Variants in NR3C1 observed in about 807,000 individuals in gnomAD.
NR3C1 encodes the protein nuclear receptor subfamily 3 group C member 1.
NR3C1 carries 14 observed loss-of-function variants against 74.0 expected under a neutral mutation model. That is an observed-to-expected ratio of 0.19 (90% CI 0.12 to 0.30). The LOEUF is 0.30. Among genes scored for constraint, NR3C1 ranks in the 10% least tolerant of loss-of-function variants. NR3C1 has a pLI of 1.00. For synonymous variants in NR3C1, 308 were observed against 332.5 expected (o/e 0.93, Z 0.80); for missense variants, 695 against 909.8 (o/e 0.76, Z 3.04).
chr5:143,403,450 G>GC lies in NR3C1; in HGVS notation c.-254_-253insG, dbSNP rs10482610. 1 allele frequency: 981,231 copies of GC among 985,336 alleles called. 488,697 individuals are homozygous for GC. The highest frequency in any genetic ancestry group is 1 in the East Asian group (8,752 of 8,752). 61.0% of individuals were successfully genotyped at this position (985,336 alleles called of 1,614,324 possible). ...CCCGCGCCGGGCTCCGCGGGTCGAG[G>GC]TTCCGGGCGCGCGTGCCCCGTCCCG... On this transcript the variant is annotated 5_prime_UTR_variant, in exon 1 of 9. Transcript: ENST00000394464.
intron 4 of NR3C1, among the ~76,000 whole-genome samples, chr5:143,301,583 T>G (rs1818500197): frequency 6.6e-6 from 1 of 152,182 alleles, no homozygotes; most frequent in South Asian, 2.1e-4. Flanking sequence ...ACATGGATCC[T>G]GTAGACTTTT....
At chr5:143,297,792 G>C (rs1429784329) in intron 6 of NR3C1, among the ~76,000 whole-genome samples, 1 of 152,178 alleles carries the variant, frequency 6.6e-6, no homozygotes, top group Non-Finnish European at 1.5e-5. Flanking sequence ...CTGTGTATCT[G>C]GTGATGTGAA....
At chr5:143,400,930 A>T in intron 1 of NR3C1, 78 bp from the exon 2 acceptor site, 1 of 1,089,750 alleles carries the variant, frequency 9.2e-7, no homozygotes, top group South Asian at 1.3e-5. Context: ...CCGATTAGTA[A>T]GAGGCAGCTT....
intron 6 of NR3C1, among the ~76,000 whole-genome samples, chr5:143,296,815 A>G (rs1240749876): frequency 1.3e-5 from 2 of 152,154 alleles, no homozygotes; most frequent in East Asian, 1.9e-4. Context: ...GGTGGCTCAC[A>G]CCTGTAATCC....
At chr5:143,383,786 T>C (rs922136552) in intron 2 of NR3C1, among the ~76,000 whole-genome samples, 1 of 152,238 alleles carries the variant, frequency 6.6e-6, no homozygotes, top group Admixed American at 6.5e-5. Context: ...TAATGATTTA[T>C]GTATTTTTAT....
At chr5:143,421,051 CA>C (rs970132734) in intron 1 of NR3C1, among the ~76,000 whole-genome samples, 4 of 151,826 alleles carry the variant, frequency 2.6e-5, no homozygotes, top group Admixed American at 1.3e-4. Context: ...TGAAATTCAC[CA>C]AAAAAGATAC....
intron 1 of NR3C1, among the ~76,000 whole-genome samples, chr5:143,401,896 T>G (rs1390623197): frequency 1.3e-5 from 2 of 152,256 alleles, no homozygotes; most frequent in East Asian, 3.8e-4. Context: ...ATCCCAATTC[T>G]CAGCCTATTC....
intron 2 of NR3C1, among the ~76,000 whole-genome samples, chr5:143,323,479 C>T (rs1171748556): frequency 6.6e-6 from 1 of 152,084 alleles, no homozygotes; most frequent in Non-Finnish European, 1.5e-5. Flanking sequence ...GCACCCCCAC[C>T]CCCGGGTCCC....
At chr5:143,419,666 C>T (rs1318959995) in intron 1 of NR3C1, among the ~76,000 whole-genome samples, 3 of 152,118 alleles carry the variant, frequency 2.0e-5, no homozygotes, top group African/African-American at 4.8e-5. Context: ...ACAGAGATCA[C>T]GCGCTTCACA....
intron 4 of NR3C1, among the ~76,000 whole-genome samples, chr5:143,301,830 C>T (rs1818538757): frequency 3.3e-5 from 5 of 152,064 alleles, no homozygotes; most frequent in Non-Finnish European, 2.9e-5. Context: ...AAATGACACA[C>T]CATATAGTCT....
intron 7 of NR3C1, among the ~76,000 whole-genome samples, chr5:143,288,935 T>C (rs1815209797): frequency 6.6e-6 from 1 of 151,754 alleles, no homozygotes; most frequent in Non-Finnish European, 1.5e-5. Context: ...CGAAACCCCG[T>C]CTCTACTAAA....
chr5:143,301,183 G>A (rs1599773664), intron 4 of NR3C1, among the ~76,000 whole-genome samples: 1 of 152,070 alleles, frequency 6.6e-6, no homozygotes, highest in East Asian at 1.9e-4. Flanking sequence ...TAAGCTTGGA[G>A]TAACGGATTA....
chr5:143,403,315 T>G lies in NR3C1; in HGVS notation c.-118A>C. 4 of 985,330 alleles carry G rather than the reference T, an allele frequency of 4.1e-6. No individual in the cohort carries two copies. The highest frequency in any genetic ancestry group is 4.8e-6 in the Non-Finnish European group (4 of 829,924). The allele number at this position is 985,330 out of a possible 1,614,324, so 61.0% of individuals were successfully genotyped here. On this transcript the variant is annotated 5_prime_UTR_variant, in exon 1 of 9. Transcript: ENST00000394464. ...AGAAGGAGCAGGAGGGAAATATATT[T>G]TTTTTTTCTAAAAAAAGGAAGTAAA...
At chr5:143,373,339 T>C (rs950070703) in intron 2 of NR3C1, among the ~76,000 whole-genome samples, 3 of 152,068 alleles carry the variant, frequency 2.0e-5, no homozygotes, top group Admixed American at 1.3e-4. Context: ...AACAGAGAAA[T>C]GTATGTACTG....
upstream of NR3C1, chr5:143,405,294 C>T (rs1841039815): frequency 2.0e-6 from 2 of 985,822 alleles, no homozygotes; most frequent in Non-Finnish European, 2.4e-6. Context: ...GCAGCTCCAC[C>T]TAATCCTGCT....
At chr5:143,317,855 A>G (rs1822486420) in intron 2 of NR3C1, among the ~76,000 whole-genome samples, 1 of 152,128 alleles carries the variant, frequency 6.6e-6, no homozygotes, top group Non-Finnish European at 1.5e-5. Flanking sequence ...TACAAATGAT[A>G]ACGAACCTTG....
intron 2 of NR3C1, among the ~76,000 whole-genome samples, chr5:143,388,923 T>C (rs974684605): frequency 6.6e-6 from 1 of 152,228 alleles, no homozygotes; most frequent in African/African-American, 2.4e-5. Context: ...CATCCATTAG[T>C]TGCTGAAGTC....
intron 2 of NR3C1, among the ~76,000 whole-genome samples, chr5:143,381,644 T>C (rs1836267704): frequency 6.6e-6 from 1 of 152,132 alleles, no homozygotes; most frequent in South Asian, 2.1e-4. Context: ...TACAGTGAAC[T>C]CATTTTCAGC....
intron 7 of NR3C1, among the ~76,000 whole-genome samples, chr5:143,286,544 G>T (rs1307294961): frequency 7.2e-5 from 11 of 151,728 alleles, no homozygotes; most frequent in Admixed American, 2.0e-4. Flanking sequence ...TATGATAAAA[G>T]TTTTTTTTGC....
Sources: gnomAD v4.1 joint callset for allele counts (sites outside exome capture counted in the v4.1 genomes callset) on GRCh38, gnomAD v4.1.1 for gene constraint, MANE v1.5 for transcripts, NCBI Gene and HGNC (gene_info 2026-07-23, HGNC 2026-07-21) for gene names.